SLC38A10: variants seen among roughly 807,000 people sequenced by gnomAD.
The protein encoded by SLC38A10 is Sodium-coupled neutral amino acid transporter 10.
A neutral mutation model predicts 81.0 loss-of-function variants in SLC38A10; 53 were observed. The observed-to-expected ratio is 0.65, with a 90% CI of 0.53 to 0.82. The LOEUF (loss-of-function observed/expected upper bound fraction) is 0.82. Among genes scored for constraint, SLC38A10 ranks in the 40% least tolerant of loss-of-function variants. SLC38A10 has a pLI of 0.00. For missense variants in SLC38A10, 1,471 were observed against 1,545.0 expected (o/e 0.95, Z 0.80); for synonymous variants, 665 against 655.3 (o/e 1.01, Z -0.23).
chr17:81,256,394 G>T (rs2062972962), intron 11 of SLC38A10, among the ~76,000 whole-genome samples: 1 of 152,196 alleles, frequency 6.6e-6, no homozygotes, highest in African/African-American at 2.4e-5. Flanking sequence ...GACGGGCGGG[G>T]AGGCCAGCGA....
At chr17:81,247,878 T>C (rs903674484) in intron 14 of SLC38A10, among the ~76,000 whole-genome samples, 1 of 151,726 alleles carries the variant, frequency 6.6e-6, no homozygotes, top group Non-Finnish European at 1.5e-5. Context: ...GTAAGCTATG[T>C]TTTGAAAAGA....
rs1022958465 is a variant in SLC38A10, at chr17:81,255,706, C to T, written c.1289-2466G>A. 5.9e-5 allele frequency among the ~76,000 whole-genome samples: 9 copies of T among 152,330 alleles called. No individual in the cohort carries two copies. In the East Asian group the frequency reaches 7.7e-4, roughly 13 times the overall value. Reference sequence around the variant, plus strand: ...TCCTCCCTCATTTGGCTTCAAAAATCGCCTCCAGGCCAGGCATGATGGCTC... The same window carrying T: ...TCCTCCCTCATTTGGCTTCAAAAATTGCCTCCAGGCCAGGCATGATGGCTC... On this transcript the variant is annotated intron_variant, in intron 11 of 15. Coordinates refer to ENST00000374759, the MANE Select transcript of SLC38A10 (RefSeq NM_001037984.3).
At chr17:81,273,955 C>T (rs908656101) in intron 8 of SLC38A10, among the ~76,000 whole-genome samples, 44 of 152,346 alleles carry the variant, frequency 2.9e-4, no homozygotes, top group Non-Finnish European at 4.9e-4. Context: ...GGAGCAGCCA[C>T]GGGCGCTGAC....
Position 81,277,360 on chromosome 17 carries a change from C to T in SLC38A10, c.627-227G>A, listed in dbSNP as rs1022710816. 2.6e-5 allele frequency among the ~76,000 whole-genome samples: 4 copies of T among 152,222 alleles called. No homozygotes were observed. Among genetic ancestry groups the T allele is most frequent in the African/African-American group, 7.2e-5 (3 of 41,460 alleles). On this transcript the variant is annotated intron_variant, in intron 6 of 15. Transcript: ENST00000374759. This position sits in a 1 kb window ranked among gnomAD's most constrained non-coding sequence, Gnocchi z 4.5. ...GACACCCCCCAGAGCGTGCACCATG[C>T]GAACATTCCCCAAGGCTACAGAACG...
rs1369798764 is a variant in SLC38A10, at chr17:81,288,220, G to A, written c.217+1471C>T. Among the ~76,000 whole-genome samples, 1 of 152,226 alleles carries A rather than the reference G, an allele frequency of 6.6e-6. No homozygotes were observed. The highest frequency in any genetic ancestry group is 1.5e-5 in the Non-Finnish European group (1 of 68,040). ...TGGAGGCTGGGAGGCCAGGACCCAC[G>A]TGTGGACCGTGCAGGTGTTTTTATT... On this transcript the variant is annotated intron_variant, in intron 2 of 15. Coordinates refer to ENST00000374759, the MANE Select transcript of SLC38A10 (RefSeq NM_001037984.3). The surrounding 1 kb of genome is among the most constrained non-coding windows in gnomAD (Gnocchi z 5.4).
At chr17:81,274,334 G>A (rs888402913) in intron 8 of SLC38A10, among the ~76,000 whole-genome samples, 1 of 152,362 alleles carries the variant, frequency 6.6e-6, no homozygotes, top group Admixed American at 6.5e-5. Context: ...GCAGGAGGCT[G>A]TGGTGACCGC....
At chr17:81,268,766 T>C (rs900004602) in intron 10 of SLC38A10, among the ~76,000 whole-genome samples, 1 of 139,840 alleles carries the variant, frequency 7.2e-6, no homozygotes, top group African/African-American at 2.8e-5. Flanking sequence ...AGACAAATAA[T>C]AGGACATAAG....
Position 81,294,885 on chromosome 17 carries a change from T to C in SLC38A10, c.37A>G (p.Thr13Ala). 1 of 1,595,380 alleles carries C rather than the reference T, an allele frequency of 6.3e-7. No homozygotes were observed. Among genetic ancestry groups the C allele is most frequent in the Non-Finnish European group, 8.5e-7 (1 of 1,172,420 alleles). Reference sequence around the variant, plus strand: ...CCTACGATGCTGTTCACGATGTTCGTGATCAGCCCCCAGTTGGAGGCGGCG... The same window carrying C: ...CCTACGATGCTGTTCACGATGTTCGCGATCAGCCCCCAGTTGGAGGCGGCG... ...AAAASNWGLI[T>A]NIVNSIVGVS... Residue 13 changes from threonine to alanine, a missense_variant, in exon 1 of 16, where the codon ACG (threonine) becomes GCG (alanine). Thr to Ala is a moderately conservative substitution (Grantham distance 58). Transcript: ENST00000374759.
chr17:81,259,376 C>G (rs778813068), intron 11 of SLC38A10, among the ~76,000 whole-genome samples: 1 of 152,208 alleles, frequency 6.6e-6, no homozygotes, highest in African/African-American at 2.4e-5. Context: ...GGTCGGCACA[C>G]GGGCAGTGTG....
intron 11 of SLC38A10, among the ~76,000 whole-genome samples, chr17:81,255,059 G>A (rs2062959329): frequency 6.6e-6 from 1 of 152,294 alleles, no homozygotes; most frequent in South Asian, 2.1e-4. Flanking sequence ...GGAGCTCTGT[G>A]TGGGTGCAGG....
intron 10 of SLC38A10, among the ~76,000 whole-genome samples, chr17:81,269,870 A>G (rs1382597254): frequency 6.6e-6 from 1 of 152,182 alleles, no homozygotes; most frequent in Non-Finnish European, 1.5e-5. Context: ...AGGCTGAGGC[A>G]GGAGAATCAC....
intron 14 of SLC38A10, among the ~76,000 whole-genome samples, chr17:81,247,862 A>G (rs1470549166): frequency 6.6e-6 from 1 of 151,932 alleles, no homozygotes; most frequent in African/African-American, 2.4e-5. Flanking sequence ...AAAGAAAAGA[A>G]AAACTGTAAG....
At chr17:81,272,697 C>CCTTTCAGGCTTTGCT in intron 8 of SLC38A10, 70 bp from the exon 9 acceptor site, 1 of 1,172,402 alleles carries the variant, frequency 8.5e-7, no homozygotes, top group Non-Finnish European at 1.2e-6. Flanking sequence ...AAAGCAAAGC[C>CCTTTCAGGCTTTGCT]TGAAAGGGCT....
intron 10 of SLC38A10, among the ~76,000 whole-genome samples, chr17:81,260,959 G>A (rs1567932213): frequency 6.6e-6 from 1 of 152,250 alleles, no homozygotes; most frequent in Non-Finnish European, 1.5e-5. Flanking sequence ...AGGCCCGTGC[G>A]CATGAAGGGC....
At position 81,276,184 on chromosome 17, in the gene SLC38A10, A is replaced by G; in HGVS notation, c.730-33T>C. 4 of 1,575,008 alleles carry G rather than the reference A, an allele frequency of 2.5e-6. No homozygotes were observed. The highest frequency in any genetic ancestry group is 3.5e-6 in the Non-Finnish European group (4 of 1,158,726). On this transcript the variant is annotated intron_variant, in intron 7 of 15. Coordinates refer to ENST00000374759, the MANE Select transcript of SLC38A10 (RefSeq NM_001037984.3). The surrounding 1 kb of genome is among the most constrained non-coding windows in gnomAD (Gnocchi z 4.7). Reference sequence around the variant, plus strand: ...AGAATAAGAAATGGCAACGTGGCAGACAGACATCCTAGCCGAGTGGCACCT... The same window carrying G: ...AGAATAAGAAATGGCAACGTGGCAGGCAGACATCCTAGCCGAGTGGCACCT...
At position 81,251,525 on chromosome 17, in the gene SLC38A10, G is replaced by C. The variant is rs770439555; in HGVS notation, c.2033C>G (p.Ala678Gly). ...EPREQRDVER[A>G]GGNQAASQLE... ...CTGGCTGGCCGCCTGGTTTCCACCC[G>C]CTCGCTCCACGTCCCTCTGCTCGCG... The change falls in exon 14 of 16, where the codon GCG (alanine) becomes GGG (glycine). Residue 678 changes from alanine to glycine, a missense_variant. Around this residue, in one of 2 missense-constraint regions of SLC38A10, gnomAD observed 751 missense variants for 717.4 expected, o/e 1.05. Transcript: ENST00000374759. The C allele has an allele frequency of 6.3e-7, 1 of 1,596,098 alleles. No homozygotes were observed. Among genetic ancestry groups the C allele is most frequent in the Admixed American group, 1.7e-5 (1 of 57,736 alleles).
rs761111667 is a variant in SLC38A10 at position 81,246,395 on chromosome 17, C to T, written c.2521G>A (p.Ala841Thr). ...TTCACAGTGCCAGCTGCCCTGGGGG[C>T]GGCATCCTTCTGGCCATCTCTCAGC... ...AKLRDGQKDA[A>T]PRAAGTVKEL... The change falls in exon 16 of 16, where the codon GCC becomes ACC. Residue 841 changes from alanine (A) to threonine (T), a missense_variant. Coordinates refer to ENST00000374759, the MANE Select transcript of SLC38A10 (RefSeq NM_001037984.3). The T allele has an allele frequency of 3.6e-5, 58 of 1,599,094 alleles. No individual in the cohort carries two copies. Among genetic ancestry groups the T allele is most frequent in the South Asian group, 6.7e-5 (6 of 90,200 alleles).
Position 81,283,599 on chromosome 17 carries a change from A to T in SLC38A10, c.264-97T>A. On this transcript the variant is annotated intron_variant, in intron 3 of 15. Coordinates refer to ENST00000374759, the MANE Select transcript of SLC38A10 (RefSeq NM_001037984.3). This position sits in a 1 kb window ranked among gnomAD's most constrained non-coding sequence, Gnocchi z 4.7. ...CTACCCCAAGGCTGGGCTGAATGAC[A>T]GATGTGATTTCTTTTTTCTTTTTTT... 2.5e-6 allele frequency: 2 copies of T among 812,258 alleles called. No homozygotes were observed. Among genetic ancestry groups the T allele is most frequent in the Non-Finnish European group, 3.9e-6 (2 of 510,680 alleles). 50.3% of individuals were successfully genotyped at this position (812,258 alleles called of 1,614,324 possible). A position where few individuals can be genotyped will look rare whatever the true frequency, so the allele number is the denominator to read the frequency against.
Position 81,281,124 on chromosome 17 carries a change from A to G in SLC38A10, c.502-391T>C, listed in dbSNP as rs998570825. Among the ~76,000 whole-genome samples the G allele has an allele frequency of 6.6e-6, 1 of 152,124 alleles. No individual in the cohort carries two copies. The highest frequency in any genetic ancestry group is 1.5e-5 in the Non-Finnish European group (1 of 68,028). ...ATCTTGTACTGTGTTAGACATGGAC[A>G]TTTTCCAAAAGACTGGCCCACCAGG... On this transcript the variant is annotated intron_variant, in intron 5 of 15. Coordinates refer to ENST00000374759, the MANE Select transcript of SLC38A10 (RefSeq NM_001037984.3). The surrounding 1 kb of genome is among the most constrained non-coding windows in gnomAD (Gnocchi z 5.3).
Sources: allele counts gnomAD v4.1 joint callset (sites outside exome capture counted in the v4.1 genomes callset), GRCh38; gene constraint gnomAD v4.1.1; regional missense constraint gnomAD v4.1.1; non-coding constraint Gnocchi (gnomAD v3.1); transcripts MANE v1.5; gene names NCBI Gene and HGNC (gene_info 2026-07-23, HGNC 2026-07-21).